The following CYBA variants were observed in gnomAD, a reference collection of about 807,000 sequenced individuals.
CYBA encodes the protein cytochrome b-245 light chain.
Under a neutral mutation model 20.8 loss-of-function variants are expected in CYBA, and 21 were observed. The ratio of observed to expected loss-of-function variants is 1.01; its 90% CI spans 0.72 to 1.46. The LOEUF (loss-of-function observed/expected upper bound fraction) is 1.46, where lower values mean the gene tolerates loss of function less well. CYBA is among the 40% of genes most tolerant of loss of function. The pLI is 0.00. For missense variants in CYBA, 344 were observed against 287.0 expected (o/e 1.20, Z -1.43); for synonymous variants, 164 against 127.5 (o/e 1.29, Z -1.93).
rs1236991685 is a variant in CYBA, at chr16:88,647,120, C to T, written c.184G>A (p.Gly62Ser). 9 of 1,611,160 alleles carry T rather than the reference C, an allele frequency of 5.6e-6. No individual in the cohort carries two copies. The highest frequency in any genetic ancestry group is 1.1e-5 in the South Asian group (1 of 91,032). Residue 62 changes from glycine to serine, a missense_variant, in exon 3 of 6, where the codon GGC becomes AGC. By Grantham distance (56) the Gly-to-Ser change is moderately conservative. Coordinates refer to ENST00000261623, the MANE Select transcript of CYBA (RefSeq NM_000101.4). Reference protein sequence around the residue: ...LEYPRGKRKKGSTMERWGQKY... With the variant: ...LEYPRGKRKKSSTMERWGQKY... The stretch of plus-strand genomic sequence containing the variant: ...ACTCACCAGCGCTCCATGGTGGAGC[C>T]CTTCTTCCTCTTCCCCCGGGGGTAC...
At chr16:88,648,980 C>T (rs1907398035) in intron 1 of CYBA, among the ~76,000 whole-genome samples, 1 of 150,516 alleles carries the variant, frequency 6.6e-6, no homozygotes, top group Non-Finnish European at 1.5e-5. Context: ...CCCTGTCACC[C>T]AGGCTGGAGT....
At chr16:88,645,374 A>G (rs1382215362) in intron 5 of CYBA, 1 of 702,310 alleles carries the variant, frequency 1.4e-6, no homozygotes, top group East Asian at 2.7e-5. Context: ...CACACACACT[A>G]GAAGACGCAC....
rs565304634 is a variant in CYBA, at chr16:88,647,410, GT to G, written c.129-236del. Among the ~76,000 whole-genome samples the G allele has an allele frequency of 1.6e-4, 25 of 152,320 alleles. No homozygotes were observed. In the South Asian group the frequency reaches 5.2e-3, roughly 32 times the overall value. ...ATTTAAAAGCCAGGTGCAGTGGTGTGTGCCTGTGGTCCCAGCTACTCCAGAG... is the reference window on the plus strand; with the variant it reads ...ATTTAAAAGCCAGGTGCAGTGGTGTGGCCTGTGGTCCCAGCTACTCCAGAG... On this transcript the variant is annotated intron_variant, in intron 2 of 5. Coordinates refer to ENST00000261623, the MANE Select transcript of CYBA (RefSeq NM_000101.4).
Position 88,646,152 on chromosome 16 carries a change from G to A in CYBA, c.333C>T (p.Thr111=), listed in dbSNP as rs978238415. 3.7e-5 allele frequency: 57 copies of A among 1,560,076 alleles called. No homozygotes were observed. The highest frequency in any genetic ancestry group is 1.5e-4 in the African/African-American group (11 of 73,560). The change falls in exon 5 of 6, where the codon ACC becomes ACT. Residue 111 remains threonine (T), a synonymous_variant. Coordinates refer to ENST00000261623, the MANE Select transcript of CYBA (RefSeq NM_000101.4). The stretch of plus-strand genomic sequence containing the variant: ...TGCCGCTCGCAATGGCCAGGCAGGC[G>A]GTCCCAAGGATGGTGGCCAGCAGGA... The part of the protein sequence containing the change: ...AGFLLATILG[T]ACLAIASGIY...
chr16:88,645,776 ACGGT>A lies in CYBA; in HGVS notation c.369+336_369+339del, dbSNP rs1284472266. 7.9e-4 allele frequency: 425 copies of A among 537,680 alleles called. 1 individual carries two copies. The highest frequency in any genetic ancestry group is 1.4e-4 in the Non-Finnish European group (42 of 298,932). The allele number at this position is 537,680 out of a possible 1,614,324, so 33.3% of individuals were successfully genotyped here. On this transcript the variant is annotated intron_variant, in intron 5 of 5. Transcript: ENST00000261623. The stretch of plus-strand genomic sequence containing the variant: ...CTGATAATGGGACCCAAGCGCAGGC[ACGGT>A]CTTCGGCCGGCTGCGTGACCCCAGG...
At chr16:88,646,451 GAC>G in intron 4 of CYBA, 1 of 659,544 alleles carries the variant, frequency 1.5e-6, no homozygotes, top group South Asian at 1.5e-5. Flanking sequence ...GTAACCAGCA[GAC>G]ACACAGCACG....
In CYBA at chr16:88,646,069, G is replaced by A. The variant is rs184246606; in HGVS notation, c.369+47C>T. The A allele has an allele frequency of 3.5e-5, 51 of 1,477,584 alleles. No homozygotes were observed. In the East Asian group the frequency reaches 1.3e-3, roughly 36 times the overall value. 91.5% of individuals were successfully genotyped at this position (1,477,584 alleles called of 1,614,324 possible). A position where few individuals can be genotyped will look rare whatever the true frequency, so the allele number is the denominator to read the frequency against. Reference sequence around the variant, plus strand: ...CGTGTCCGAGGGTGTCAGGGCAGGGGCTGGGGATGGGGGTGGCCGGGGCCG... The same window carrying A: ...CGTGTCCGAGGGTGTCAGGGCAGGGACTGGGGATGGGGGTGGCCGGGGCCG... On this transcript the variant is annotated intron_variant, in intron 5 of 5. Transcript: ENST00000261623.
intron 5 of CYBA, chr16:88,644,897 T>C (rs1907219552): frequency 1.9e-6 from 1 of 536,912 alleles, no homozygotes; most frequent in African/African-American, 1.9e-5. Flanking sequence ...AACAGGCAAC[T>C]CAAGGGAGAA....
rs939664876 is a variant in CYBA, at chr16:88,643,393, G to A, written c.548C>T (p.Pro183Leu). ...GGTCACCGGGATGGGGTTGACCTGG[G>A]GACCTCCCGGGGGTCCCCCCGCCGC... The part of the protein sequence containing the change: ...AVAAGGPPGG[P>L]QVNPIPVTDE... The change falls in exon 6 of 6, where the codon CCC becomes CTC. Residue 183 changes from proline (P) to leucine (L), a missense_variant. Physicochemically the swap from Pro to Leu is moderately conservative, Grantham distance 98. Coordinates refer to ENST00000261623, the MANE Select transcript of CYBA (RefSeq NM_000101.4). The surrounding 1 kb of genome is among the most constrained non-coding windows in gnomAD (Gnocchi z 4.3). 1.3e-6 allele frequency: 2 copies of A among 1,534,142 alleles called. No individual in the cohort carries two copies. The highest frequency in any genetic ancestry group is 2.5e-5 in the East Asian group (1 of 39,768).
At chr16:88,644,609 G>C (rs1422925530) in intron 5 of CYBA, 2 of 158,930 alleles carry the variant, frequency 1.3e-5, no homozygotes, top group African/African-American at 4.8e-5. Context: ...CGGATCACAA[G>C]GTCAAGGAGA....
chr16:88,643,559 C>T lies in CYBA; in HGVS notation c.382G>A (p.Gly128Ser). Residue 128 changes from glycine to serine, a missense_variant, in exon 6 of 6, where the codon GGC becomes AGC. By Grantham distance (56) the Gly-to-Ser change is moderately conservative. Coordinates refer to ENST00000261623, the MANE Select transcript of CYBA (RefSeq NM_000101.4). The surrounding 1 kb of genome is among the most constrained non-coding windows in gnomAD (Gnocchi z 4.3). ...GGCTCGATGGGCGTCCACTGCTCGCCACGCACAGCCGCCTGCGGGGCACTG... is the reference window on the plus strand; with the variant it reads ...GGCTCGATGGGCGTCCACTGCTCGCTACGCACAGCCGCCTGCGGGGCACTG... ...SGIYLLAAVR[G>S]EQWTPIEPKP... 1.3e-6 allele frequency: 2 copies of T among 1,533,472 alleles called. No individual in the cohort carries two copies. Among genetic ancestry groups the T allele is most frequent in the Non-Finnish European group, 1.7e-6 (2 of 1,145,976 alleles). 95.0% of individuals were successfully genotyped at this position (1,533,472 alleles called of 1,614,324 possible).
At chr16:88,645,186 G>A (rs1907231884) in intron 5 of CYBA, 2 of 702,354 alleles carry the variant, frequency 2.8e-6, no homozygotes, top group East Asian at 5.4e-5. Flanking sequence ...GTGGCAGCAG[G>A]GAGACGGGGG....
chr16:88,647,887 G>C, intron 2 of CYBA, 158 bp downstream of exon 2: 1 of 711,338 alleles, frequency 1.4e-6, no homozygotes. Context: ...GAGGGGCCTG[G>C]CTGCTGGGGC....
At chr16:88,644,419 T>C (rs971517664) in intron 5 of CYBA, among the ~76,000 whole-genome samples, 1 of 152,178 alleles carries the variant, frequency 6.6e-6, no homozygotes, top group African/African-American at 2.4e-5. Context: ...AGTGAAGGAC[T>C]CCACGCGCCA....
At chr16:88,645,191 C>A (rs772943816) in intron 5 of CYBA, 1 of 702,248 alleles carries the variant, frequency 1.4e-6, no homozygotes, top group East Asian at 2.7e-5. Context: ...AGCAGGGAGA[C>A]GGGGGGGATG....
intron 1 of CYBA, among the ~76,000 whole-genome samples, chr16:88,649,204 T>G (rs12051202): frequency 3.9e-5 from 6 of 152,196 alleles, no homozygotes; most frequent in South Asian, 2.1e-4. Context: ...CCCAAAGTGC[T>G]AGGATTACAG....
Position 88,643,451 on chromosome 16 carries a change from G to T in CYBA, c.490C>A (p.Arg164Ser). 2.6e-6 allele frequency: 4 copies of T among 1,533,410 alleles called. No homozygotes were observed. The highest frequency in any genetic ancestry group is 3.5e-6 in the Non-Finnish European group (4 of 1,143,608). 95.0% of individuals were successfully genotyped at this position (1,533,410 alleles called of 1,614,324 possible). ...NPPPRPPAEARKKPSEEEAAV... is the reference protein window; with the variant it reads ...NPPPRPPAEASKKPSEEEAAV... ...GCCTCCTCCTCGCTGGGCTTCTTGCGGGCCTCGGCCGGGGGCCGCGGCGGG... is the reference window on the plus strand; with the variant it reads ...GCCTCCTCCTCGCTGGGCTTCTTGCTGGCCTCGGCCGGGGGCCGCGGCGGG... Residue 164 changes from arginine to serine, a missense_variant, in exon 6 of 6, where the codon CGC (arginine) becomes AGC (serine). Transcript: ENST00000261623. The surrounding 1 kb of genome is among the most constrained non-coding windows in gnomAD (Gnocchi z 4.3).
At chr16:88,647,301 G>C (rs1907326050) in intron 2 of CYBA, 126 bp from the exon 3 acceptor site, 2 of 896,532 alleles carry the variant, frequency 2.2e-6, no homozygotes, top group Non-Finnish European at 3.5e-6. Context: ...CAGCATTTTG[G>C]GAGGCTGAGG....
intron 2 of CYBA, chr16:88,647,622 G>A: frequency 2.7e-6 from 1 of 369,706 alleles, no homozygotes; most frequent in Non-Finnish European, 5.2e-6. Context: ...ACTCGGGGCT[G>A]CCCACGCCCT....
Sources: gnomAD v4.1 joint callset for allele counts (sites outside exome capture counted in the v4.1 genomes callset) on GRCh38, gnomAD v4.1.1 for gene constraint, Gnocchi (gnomAD v3.1) non-coding constraint, MANE v1.5 for transcripts, NCBI Gene and HGNC (gene_info 2026-07-23, HGNC 2026-07-21) for gene names.